FLACC1: variants seen among roughly 807,000 people sequenced by gnomAD.
FLACC1 encodes the protein flagellum-associated coiled-coil domain-containing protein 1.
FLACC1 carries 66 observed loss-of-function variants against 62.8 expected under a neutral mutation model. The observed-to-expected ratio is 1.05, with a 90% CI of 0.86 to 1.29. The LOEUF (loss-of-function observed/expected upper bound fraction) is 1.29. FLACC1 is among the 50% of genes most tolerant of loss of function. The pLI, the probability that FLACC1 is intolerant of heterozygous loss-of-function variation, is 0.00. For synonymous variants in FLACC1, 156 were observed against 161.0 expected (o/e 0.97, Z 0.24); for missense variants, 452 against 489.1 (o/e 0.92, Z 0.71).
At chr2:201,288,802 T>G (rs1469867251) in intron 14 of FLACC1, 21 bp from the exon 15 acceptor site, 5 of 1,610,554 alleles carry the variant, frequency 3.1e-6, no homozygotes, top group Non-Finnish European at 4.2e-6. Context: ...AAAGGAAAGA[T>G]GTATCAATGT....
intron 12 of FLACC1, among the ~76,000 whole-genome samples, chr2:201,291,943 GA>G (rs1282933106): frequency 6.6e-6 from 1 of 152,072 alleles, no homozygotes; most frequent in Non-Finnish European, 1.5e-5. Context: ...AAGATCAAAT[GA>G]ATGAAATGAA....
At chr2:201,347,273 G>A (rs1305035899) in intron 4 of FLACC1, among the ~76,000 whole-genome samples, 1 of 152,194 alleles carries the variant, frequency 6.6e-6, no homozygotes, top group Non-Finnish European at 1.5e-5. Context: ...TGAGAGCTGC[G>A]CAGCACATGC....
chr2:201,306,029 C>A (rs369349729), intron 11 of FLACC1, among the ~76,000 whole-genome samples: 1 of 151,164 alleles, frequency 6.6e-6, no homozygotes, highest in African/African-American at 2.4e-5. Flanking sequence ...CACATGTATA[C>A]ATATTTAACA....
intron 11 of FLACC1, among the ~76,000 whole-genome samples, chr2:201,301,687 T>C (rs892143369): frequency 6.6e-6 from 1 of 152,190 alleles, no homozygotes; most frequent in African/African-American, 2.4e-5. Context: ...GAGAGAAAGG[T>C]TGGGTTACCC....
At chr2:201,316,278 G>A (rs993145358) in intron 9 of FLACC1, among the ~76,000 whole-genome samples, 2 of 151,994 alleles carry the variant, frequency 1.3e-5, no homozygotes, top group African/African-American at 4.8e-5. Flanking sequence ...CAAAAAGCTG[G>A]TTCTTTGAAA....
intron 11 of FLACC1, among the ~76,000 whole-genome samples, chr2:201,302,838 C>T (rs1396683202): frequency 6.6e-6 from 1 of 152,046 alleles, no homozygotes; most frequent in Admixed American, 6.5e-5. Flanking sequence ...CTACTGGGTA[C>T]ATAACAAAAT....
At chr2:201,348,515 A>G (rs1159247847) in intron 3 of FLACC1, among the ~76,000 whole-genome samples, 2 of 152,108 alleles carry the variant, frequency 1.3e-5, no homozygotes, top group African/African-American at 4.8e-5. Flanking sequence ...CAAGGAGGCA[A>G]AAGACTTGTC....
chr2:201,329,412 C>T (rs1950551086), intron 9 of FLACC1, among the ~76,000 whole-genome samples: 1 of 152,188 alleles, frequency 6.6e-6, no homozygotes, highest in South Asian at 2.1e-4. Flanking sequence ...TAAAACAGAA[C>T]TACCATTTGA....
chr2:201,347,479 A>AT (rs1950938694), intron 4 of FLACC1, among the ~76,000 whole-genome samples: 2 of 151,942 alleles, frequency 1.3e-5, no homozygotes, highest in Non-Finnish European at 2.9e-5. Context: ...TTGCTTGTAT[A>AT]TTTTTTTCCC....
intron 12 of FLACC1, among the ~76,000 whole-genome samples, chr2:201,295,694 C>T (rs532976890): frequency 6.6e-6 from 1 of 151,990 alleles, no homozygotes; most frequent in Admixed American, 6.6e-5. Flanking sequence ...TTTTGCACAG[C>T]AAAAGAAACT....
At chr2:201,344,117 A>T in intron 6 of FLACC1, 53 bp downstream of exon 6, 2 of 1,507,314 alleles carry the variant, frequency 1.3e-6, no homozygotes, top group South Asian at 2.3e-5. Flanking sequence ...GTGATTCAAA[A>T]ATATTAATTT....
At chr2:201,329,388 A>C (rs1469233900) in intron 9 of FLACC1, among the ~76,000 whole-genome samples, 3 of 152,190 alleles carry the variant, frequency 2.0e-5, no homozygotes, top group African/African-American at 7.2e-5. Flanking sequence ...CAGCTTGGAA[A>C]TTCTCAAAGA....
chr2:201,345,431 C>T (rs1950891549), intron 5 of FLACC1, among the ~76,000 whole-genome samples: 1 of 151,132 alleles, frequency 6.6e-6, no homozygotes, highest in South Asian at 2.1e-4. Context: ...TGCCAATACA[C>T]TAGCAGATAG....
intron 12 of FLACC1, among the ~76,000 whole-genome samples, chr2:201,298,795 A>G (rs1438031612): frequency 2.0e-5 from 3 of 152,212 alleles, no homozygotes; most frequent in Non-Finnish European, 4.4e-5. Flanking sequence ...GACTGCCATA[A>G]TTTGCCCCAG....
intron 9 of FLACC1, among the ~76,000 whole-genome samples, chr2:201,328,510 C>T (rs1199184587): frequency 1.3e-5 from 2 of 152,194 alleles, no homozygotes; most frequent in East Asian, 1.9e-4. Context: ...ACTGCAACCT[C>T]TGCCTCCCAG....
At chr2:201,348,394 T>A in intron 3 of FLACC1, 92 bp from the exon 4 acceptor site, 1 of 1,334,054 alleles carries the variant, frequency 7.5e-7, no homozygotes, top group Non-Finnish European at 1.0e-6. Context: ...ACCATCTGAC[T>A]TCTGCTCTCT....
chr2:201,290,919 C>G (rs1327660034), intron 12 of FLACC1, among the ~76,000 whole-genome samples: 1 of 152,214 alleles, frequency 6.6e-6, no homozygotes, highest in Non-Finnish European at 1.5e-5. Context: ...GCCCACGGAG[C>G]CTTGCTCATT....
chr2:201,318,106 C>T (rs1950337296), intron 9 of FLACC1, among the ~76,000 whole-genome samples: 1 of 152,114 alleles, frequency 6.6e-6, no homozygotes, highest in African/African-American at 2.4e-5. Flanking sequence ...CAAGATGGAT[C>T]AAGGACTTAA....
At chr2:201,339,713 CA>C (rs1356711579) in intron 7 of FLACC1, among the ~76,000 whole-genome samples, 3 of 151,860 alleles carry the variant, frequency 2.0e-5, no homozygotes, top group African/African-American at 7.3e-5. Flanking sequence ...GTATAGTTTC[CA>C]AAGTTTTTCT....
Sources: allele counts gnomAD v4.1 joint callset (sites outside exome capture counted in the v4.1 genomes callset), GRCh38; gene constraint gnomAD v4.1.1; transcripts MANE v1.5; gene names NCBI Gene and HGNC (gene_info 2026-07-23, HGNC 2026-07-21).